The following USP25 variants were observed in gnomAD, a reference collection of about 807,000 sequenced individuals.
USP25 encodes the protein ubiquitin carboxyl-terminal hydrolase 25.
USP25 carries 85 observed loss-of-function variants against 158.5 expected under a neutral mutation model. That is an observed-to-expected ratio of 0.54 (90% CI 0.45 to 0.64). The LOEUF is 0.64. Among genes scored for constraint, USP25 ranks in the 30% least tolerant of loss-of-function variants. The probability of loss-of-function intolerance (pLI) is 0.00; values close to 1 mark genes in which losing one functional copy is unlikely to be tolerated. For missense variants in USP25, 1,242 were observed against 1,327.3 expected (o/e 0.94, Z 1.00); for synonymous variants, 464 against 460.4 (o/e 1.01, Z -0.10).
At chr21:15,784,003 C>A (rs2035129456) in intron 4 of USP25, among the ~76,000 whole-genome samples, 1 of 151,868 alleles carries the variant, frequency 6.6e-6, no homozygotes, top group African/African-American at 2.4e-5. Flanking sequence ...GAAATAGAGA[C>A]GTTTCCAGAC....
chr21:15,773,237 T>C (rs2034455979), intron 3 of USP25: 1 of 152,268 alleles, frequency 6.6e-6, no homozygotes, highest in Non-Finnish European at 1.5e-5. Context: ...CCATTTAATA[T>C]GGTCGTTCTA....
chr21:15,878,622 TTAGTC>T lies in USP25; in HGVS notation c.*148_*152del, dbSNP rs1264133619. On this transcript the variant is annotated 3_prime_UTR_variant, in exon 26 of 26. Coordinates refer to ENST00000400183, the MANE Select transcript of USP25 (RefSeq NM_001283041.3). ...AAAAGACAAAATGACTATACAGACTTTAGTCAGACTGCAGACAATAAAGCTGAAAA... is the reference window on the plus strand; with the variant it reads ...AAAAGACAAAATGACTATACAGACTTAGACTGCAGACAATAAAGCTGAAAA... The T allele has an allele frequency of 3.7e-5, 28 of 766,246 alleles. No homozygotes were observed. The highest frequency in any genetic ancestry group is 1.5e-4 in the Admixed American group (4 of 26,674). The allele number at this position is 766,246 out of a possible 1,614,324, so 47.5% of individuals were successfully genotyped here. A position where few individuals can be genotyped will look rare whatever the true frequency, so the allele number is the denominator to read the frequency against.
In USP25 at chr21:15,797,045, C is replaced by T. The variant is rs530566253; in HGVS notation, c.556-2712C>T. ...ATAAATTTAGCAGCATTATTAGACA[C>T]AACTGAAGAGATAATTAGCCAACTG... On this transcript the variant is annotated intron_variant, in intron 5 of 25. Coordinates refer to ENST00000400183, the MANE Select transcript of USP25 (RefSeq NM_001283041.3). 3.3e-5 allele frequency among the ~76,000 whole-genome samples: 5 copies of T among 151,420 alleles called. No homozygotes were observed. In the East Asian group the frequency reaches 9.7e-4, roughly 29 times the overall value.
intron 8 of USP25, among the ~76,000 whole-genome samples, chr21:15,809,805 G>A (rs921808967): frequency 6.6e-6 from 1 of 152,072 alleles, no homozygotes; most frequent in African/African-American, 2.4e-5. Flanking sequence ...TACATACAGT[G>A]GAATATTATT....
chr21:15,852,010 G>A (rs1417372295), intron 20 of USP25, among the ~76,000 whole-genome samples: 1 of 152,116 alleles, frequency 6.6e-6, no homozygotes, highest in African/African-American at 2.4e-5. Context: ...AAGAGGGACA[G>A]AGCATTTTCT....
At chr21:15,800,861 G>T (rs190360169) in intron 6 of USP25, among the ~76,000 whole-genome samples, 358 of 151,514 alleles carry the variant, frequency 2.4e-3, no homozygotes, top group African/African-American at 8.2e-3. Flanking sequence ...CATGCTAGTG[G>T]GAAGATAACT....
chr21:15,849,183 A>T lies in USP25; in HGVS notation c.2452-594A>T, dbSNP rs549747306. On this transcript the variant is annotated intron_variant, in intron 19 of 25. Transcript: ENST00000400183. ...ATTTAAAAAAGTTGAATTGTGATTA[A>T]TCATTTAACACTATCTTTTTTGCAA... Among the ~76,000 whole-genome samples, 10 of 152,302 alleles carry T rather than the reference A, an allele frequency of 6.6e-5. No homozygotes were observed. In the South Asian group the frequency reaches 1.9e-3, roughly 28 times the overall value.
chr21:15,766,032 C>A lies in USP25; in HGVS notation c.159C>A (p.Phe53Leu). 1 of 1,608,162 alleles carries A rather than the reference C, an allele frequency of 6.2e-7. No individual in the cohort carries two copies. The highest frequency in any genetic ancestry group is 2.2e-5 in the East Asian group (1 of 44,570). ...SNGNLELAVA[F>L]LTAKNAKTPQ... Reference sequence around the variant, plus strand: ...GAAACTTGGAATTAGCAGTGGCTTTCCTTACTGCGAAGAATGCTAAGACCC... The same window carrying A: ...GAAACTTGGAATTAGCAGTGGCTTTACTTACTGCGAAGAATGCTAAGACCC... The change falls in exon 3 of 26, where the codon TTC (phenylalanine) becomes TTA (leucine). Residue 53 changes from phenylalanine (F) to leucine (L), a missense_variant. By Grantham distance (22) the Phe-to-Leu change is conservative (BLOSUM62 0). This residue lies in a region of USP25 where 627 missense variants were observed against 701.4 expected (regional missense o/e 0.89). Coordinates refer to ENST00000400183, the MANE Select transcript of USP25 (RefSeq NM_001283041.3). The surrounding 1 kb of genome is among the most constrained non-coding windows in gnomAD (Gnocchi z 4.0).
chr21:15,878,529 T>G lies in USP25; in HGVS notation c.*54T>G. The stretch of plus-strand genomic sequence containing the variant: ...TAAACTCTTTTTAGTTCTTAACCCT[T>G]GCCTTCCTGTCACAGGGTTTGCTTG... On this transcript the variant is annotated 3_prime_UTR_variant, in exon 26 of 26. Coordinates refer to ENST00000400183, the MANE Select transcript of USP25 (RefSeq NM_001283041.3). The G allele has an allele frequency of 6.5e-7, 1 of 1,528,400 alleles. No individual in the cohort carries two copies. Among genetic ancestry groups the G allele is most frequent in the Non-Finnish European group, 8.8e-7 (1 of 1,133,282 alleles). 94.7% of individuals were successfully genotyped at this position (1,528,400 alleles called of 1,614,324 possible).
Position 15,746,517 on chromosome 21 carries a change from C to T in USP25, c.45+16079C>T, listed in dbSNP as rs1474230147. On this transcript the variant is annotated intron_variant, in intron 1 of 25. Coordinates refer to ENST00000400183, the MANE Select transcript of USP25 (RefSeq NM_001283041.3). ...TCAAGCGATTCTCCTGCCTCAGCCT[C>T]CCTAGTAGCTGGGACTACAGGTGTG... Among the ~76,000 whole-genome samples the T allele has an allele frequency of 2.6e-5, 4 of 152,134 alleles. 1 individual carries two copies. The highest frequency in any genetic ancestry group is 7.2e-5 in the African/African-American group (3 of 41,408).
chr21:15,853,181 G>C (rs892927730), intron 20 of USP25, among the ~76,000 whole-genome samples: 1 of 152,028 alleles, frequency 6.6e-6, no homozygotes, highest in Middle Eastern at 3.4e-3. Context: ...AGATTTTACT[G>C]TTCATAATAT....
intron 5 of USP25, among the ~76,000 whole-genome samples, chr21:15,797,490 T>C (rs911774661): frequency 1.1e-4 from 16 of 151,266 alleles, no homozygotes; most frequent in Non-Finnish European, 1.5e-4. Context: ...GTGCTAGAAA[T>C]AAATAACTGG....
At chr21:15,869,606 G>T (rs965534146) in intron 22 of USP25, among the ~76,000 whole-genome samples, 1 of 152,048 alleles carries the variant, frequency 6.6e-6, no homozygotes, top group South Asian at 2.1e-4. Context: ...ACATATTTGC[G>T]AAGTTAAAAG....
Position 15,827,046 on chromosome 21 carries a change from T to C in USP25, c.1536T>C (p.Ile512=). The C allele has an allele frequency of 6.2e-7, 1 of 1,614,150 alleles. No homozygotes were observed. Among genetic ancestry groups the C allele is most frequent in the South Asian group, 1.1e-5 (1 of 91,086 alleles). ...PSTSPSSVAA[I]SSRSVIHKPF... ...CATCACCTTCATCAGTTGCTGCCAT[T>C]TCATCGAGATCAGTAATACACAAAC... Residue 512 remains isoleucine, a synonymous_variant, in exon 14 of 26, where the codon ATT becomes ATC. Transcript: ENST00000400183.
At chr21:15,800,063 T>C (rs1457206042) in intron 6 of USP25, among the ~76,000 whole-genome samples, 1 of 151,270 alleles carries the variant, frequency 6.6e-6, no homozygotes, top group Non-Finnish European at 1.5e-5. Flanking sequence ...CAATTTTTGG[T>C]GTCGCTTTAG....
At chr21:15,754,253 G>A (rs1023432948) in intron 1 of USP25, among the ~76,000 whole-genome samples, 10 of 152,156 alleles carry the variant, frequency 6.6e-5, no homozygotes, top group African/African-American at 2.2e-4. Context: ...CCAATAATTA[G>A]TTAGTGCCTC....
chr21:15,735,148 A>G (rs1207703332), intron 1 of USP25, among the ~76,000 whole-genome samples: 1 of 152,166 alleles, frequency 6.6e-6, no homozygotes, highest in African/African-American at 2.4e-5. Flanking sequence ...ATAAAACCCC[A>G]TTTGGTCATG....
chr21:15,813,024 C>T (rs1260072589), intron 9 of USP25, among the ~76,000 whole-genome samples: 1 of 151,538 alleles, frequency 6.6e-6, no homozygotes, highest in Admixed American at 6.6e-5. Flanking sequence ...TCCCCCCTTC[C>T]CTTCTGGCAC....
At chr21:15,735,380 TTATG>T (rs2031388687) in intron 1 of USP25, among the ~76,000 whole-genome samples, 1 of 152,222 alleles carries the variant, frequency 6.6e-6, no homozygotes, top group African/African-American at 2.4e-5. Context: ...TAACAACTAT[TTATG>T]TAGCATTTAC....
Sources: gnomAD v4.1 joint callset for allele counts (sites outside exome capture counted in the v4.1 genomes callset) on GRCh38, gnomAD v4.1.1 for gene constraint, gnomAD v4.1.1 regional missense constraint, Gnocchi (gnomAD v3.1) non-coding constraint, MANE v1.5 for transcripts, NCBI Gene and HGNC (gene_info 2026-07-23, HGNC 2026-07-21) for gene names.